SGCD: variants seen among roughly 807,000 people sequenced by gnomAD.
The protein encoded by SGCD is delta-sarcoglycan.
SGCD carries 18 observed loss-of-function variants against 36.6 expected under a neutral mutation model. The ratio of observed to expected loss-of-function variants is 0.49; its 90% CI spans 0.34 to 0.73. SGCD has a LOEUF of 0.73. Ranked by LOEUF, SGCD falls within the 30% of genes least tolerant of loss-of-function variation. The pLI is 0.01. For missense variants in SGCD, 387 were observed against 346.7 expected, an observed-to-expected ratio of 1.12 and a Z score of -0.92; for synonymous variants, 133 against 130.6, an observed-to-expected ratio of 1.02 and a Z score of -0.12.
At chr5:156,448,805 G>C (rs1753865108) in intron 3 of SGCD, among the ~76,000 whole-genome samples, 2 of 135,584 alleles carry the variant, frequency 1.5e-5, no homozygotes, top group African/African-American at 5.7e-5. Context: ...CTAGAGTGCA[G>C]TGGCACAGTG....
At chr5:156,150,043 C>T (rs1446014425) in intron 3 of SGCD, among the ~76,000 whole-genome samples, 1 of 152,122 alleles carries the variant, frequency 6.6e-6, no homozygotes, top group Middle Eastern at 3.2e-3. Context: ...AAAATGCAGG[C>T]CTAGTGGCAT....
chr5:156,704,755 A>G (rs1247630577), intron 7 of SGCD, among the ~76,000 whole-genome samples: 2 of 152,172 alleles, frequency 1.3e-5, no homozygotes, highest in African/African-American at 2.4e-5. Flanking sequence ...TCTAAACTGT[A>G]TAATATTAAA....
At position 156,329,674 on chromosome 5, in the gene SGCD, A is replaced by G. The variant is rs138411991; in HGVS notation, c.3+95A>G. The G allele has an allele frequency of 8.5e-5, 94 of 1,108,258 alleles. No individual in the cohort carries two copies. The African/African-American group carries it at 1.3e-3, about 15-fold the overall frequency. 68.7% of individuals were successfully genotyped at this position (1,108,258 alleles called of 1,614,324 possible). A position where few individuals can be genotyped will look rare whatever the true frequency, so the allele number is the denominator to read the frequency against. ...TTTGAAAAAGAGAACAAAGTGTTAT[A>G]TATGCCTTATCCTGATGAAGACATT... On this transcript the variant is annotated intron_variant, in intron 2 of 8. Coordinates refer to ENST00000337851, the MANE Select transcript of SGCD (RefSeq NM_000337.6).
At chr5:156,416,262 A>C (rs1415725784) in intron 3 of SGCD, among the ~76,000 whole-genome samples, 2 of 152,232 alleles carry the variant, frequency 1.3e-5, no homozygotes, top group African/African-American at 2.4e-5. Flanking sequence ...GAAGTAACTC[A>C]AGAATGGAAA....
intron 3 of SGCD, among the ~76,000 whole-genome samples, chr5:156,507,506 G>A (rs1756751488): frequency 1.3e-5 from 2 of 152,128 alleles, no homozygotes; most frequent in Non-Finnish European, 2.9e-5. Flanking sequence ...AAACCACTAA[G>A]TTTTGTTATT....
chr5:156,581,510 A>T (rs181351778), intron 4 of SGCD, among the ~76,000 whole-genome samples: 1 of 152,182 alleles, frequency 6.6e-6, no homozygotes, highest in East Asian at 1.9e-4. Flanking sequence ...TTTTTCAGCT[A>T]TACCCTGCCC....
intron 1 of SGCD, among the ~76,000 whole-genome samples, chr5:155,933,171 C>A (rs1006655390): frequency 6.6e-6 from 1 of 152,144 alleles, no homozygotes; most frequent in African/African-American, 2.4e-5. Flanking sequence ...TTTCTCTAGC[C>A]GTAGGGGTCT....
chr5:156,282,275 A>G (rs188336968), intron 3 of SGCD, among the ~76,000 whole-genome samples: 32 of 152,280 alleles, frequency 2.1e-4, no homozygotes, highest in Non-Finnish European at 3.7e-4. Flanking sequence ...CAGATACCTA[A>G]TACACTTTAA....
chr5:156,719,162 A>G (rs1424959909), intron 7 of SGCD, among the ~76,000 whole-genome samples: 1 of 152,160 alleles, frequency 6.6e-6, no homozygotes, highest in Non-Finnish European at 1.5e-5. Flanking sequence ...CTTGGCACAC[A>G]AAATTTTCAG....
At chr5:156,229,273 C>CATATATATATATATATAT (rs1383896091) in intron 3 of SGCD, among the ~76,000 whole-genome samples, 109 of 8,546 alleles carry the variant, frequency 0.013, no homozygotes, top group South Asian at 0.12. Flanking sequence ...TATATATATA[C>CATATATATATATATATAT]ATACATATAT....
chr5:156,003,973 T>C (rs181003136), intron 1 of SGCD, among the ~76,000 whole-genome samples: 1 of 152,354 alleles, frequency 6.6e-6, no homozygotes, highest in East Asian at 1.9e-4. Context: ...ATATAGATTT[T>C]GTTTTAATTT....
the SGCD span, among the ~76,000 whole-genome samples, chr5:155,844,421 T>TTGTGTGTG: frequency 0.057 from 8,275 of 144,506 alleles, 524 homozygotes; most frequent in African/African-American, 0.16. Context: ...TGCTAAGGCT[T>TTGTGTGTG]TGTGTGTGTG....
chr5:156,172,441 TA>T (rs1166639495), intron 3 of SGCD, among the ~76,000 whole-genome samples: 1 of 152,216 alleles, frequency 6.6e-6, no homozygotes, highest in Non-Finnish European at 1.5e-5. Flanking sequence ...TGCCATTTCT[TA>T]ACTGTGATCT....
At chr5:156,462,733 G>A (rs1754540949) in intron 3 of SGCD, among the ~76,000 whole-genome samples, 1 of 152,138 alleles carries the variant, frequency 6.6e-6, no homozygotes, top group African/African-American at 2.4e-5. Flanking sequence ...TCAACAGAAA[G>A]GCTATAATGG....
At position 156,708,734 on chromosome 5, in the gene SGCD, A is replaced by G. The variant is rs138990976; in HGVS notation, c.576-48847A>G. Among the ~76,000 whole-genome samples the G allele has an allele frequency of 2.2e-3, 335 of 152,246 alleles. 2 individuals carry two copies. The highest frequency in any genetic ancestry group is 7.7e-3 in the African/African-American group (320 of 41,548). On this transcript the variant is annotated intron_variant, in intron 7 of 8. Coordinates refer to ENST00000337851, the MANE Select transcript of SGCD (RefSeq NM_000337.6). ...CTATTTTGAAGGAGGGAATGTAAATACGTGTGTGTGCGTGTGTGAGAGAGG... is the reference window on the plus strand; with the variant it reads ...CTATTTTGAAGGAGGGAATGTAAATGCGTGTGTGTGCGTGTGTGAGAGAGG...
At chr5:156,083,308 CT>C (rs913526805) in intron 1 of SGCD, among the ~76,000 whole-genome samples, 1 of 127,490 alleles carries the variant, frequency 7.8e-6, no homozygotes, top group African/African-American at 3.0e-5. Flanking sequence ...TTTTTTTTTT[CT>C]TTTTTTTGGA....
At chr5:156,527,614 T>C (rs1757697854) in intron 4 of SGCD, among the ~76,000 whole-genome samples, 1 of 152,244 alleles carries the variant, frequency 6.6e-6, no homozygotes, top group Admixed American at 6.5e-5. Context: ...TTTCTTTATC[T>C]GTGAACCATC....
At chr5:156,376,759 T>C (rs373327754) in intron 3 of SGCD, among the ~76,000 whole-genome samples, 13 of 152,178 alleles carry the variant, frequency 8.5e-5, no homozygotes, top group Non-Finnish European at 1.6e-4. Flanking sequence ...AGGAAGTTTA[T>C]TGAACTTGCC....
the SGCD span, among the ~76,000 whole-genome samples, chr5:155,743,856 G>T: frequency 6.6e-6 from 1 of 152,176 alleles, no homozygotes; most frequent in Non-Finnish European, 1.5e-5. Context: ...AATCAGCCTT[G>T]AGCAAGCTAG....
Sources: gnomAD v4.1 joint callset for allele counts (sites outside exome capture counted in the v4.1 genomes callset) on GRCh38, gnomAD v4.1.1 for gene constraint, MANE v1.5 for transcripts, NCBI Gene and HGNC (gene_info 2026-07-23, HGNC 2026-07-21) for gene names.